The following FASTKD3 variants were observed in gnomAD, a reference collection of about 807,000 sequenced individuals.
The protein encoded by FASTKD3 is FAST kinase domains 3.
In FASTKD3, 47 loss-of-function variants were observed where a neutral mutation model predicts 49.7. The observed-to-expected ratio is 0.95, with a 90% confidence interval of 0.75 to 1.21. The LOEUF is 1.21. FASTKD3 is among the 50% of genes most tolerant of loss of function. The pLI, the probability that FASTKD3 is intolerant of heterozygous loss-of-function variation, is 0.00. For synonymous variants in FASTKD3, 284 were observed against 288.6 expected (o/e 0.98, Z 0.16); for missense variants, 748 against 765.7 (o/e 0.98, Z 0.27).
chr5:7,863,673 T>C (rs543058355), intron 3 of FASTKD3, among the ~76,000 whole-genome samples: 3 of 152,266 alleles, frequency 2.0e-5, no homozygotes, highest in African/African-American at 7.2e-5. Context: ...AGGATAGCAA[T>C]ATAATAAACG....
rs374820220 is a variant in FASTKD3 at position 7,866,637 on chromosome 5, C to T, written c.1438+9G>A. The T allele has an allele frequency of 4.5e-6, 7 of 1,555,450 alleles. No homozygotes were observed. The African/African-American group carries it at 8.3e-5, about 18-fold the overall frequency. On this transcript the variant is annotated intron_variant, in intron 2 of 6. Coordinates refer to ENST00000264669, the MANE Select transcript of FASTKD3 (RefSeq NM_024091.4). ...TTTTTCCAACTGTCAGAATTTATAA[C>T]CAACTCACCTTGCAGCCGTTGAAGG...
In FASTKD3 at chr5:7,859,296, A is replaced by G. The variant is rs1327435193; in HGVS notation, c.*139T>C. The G allele has an allele frequency of 2.1e-6, 1 of 481,846 alleles. No individual in the cohort carries two copies. The highest frequency in any genetic ancestry group is 3.3e-5 in the East Asian group (1 of 30,194). The allele number at this position is 481,846 out of a possible 1,614,324, so 29.8% of individuals were successfully genotyped here. On this transcript the variant is annotated 3_prime_UTR_variant, in exon 7 of 7. Transcript: ENST00000264669. The stretch of plus-strand genomic sequence containing the variant: ...ACCACAATAAATGTATACATAGTAT[A>G]AGGAAAACTACAGATGCTTTCAGAT...
chr5:7,861,567 C>T lies in FASTKD3; in HGVS notation c.1769+16G>A, dbSNP rs539800150. 18 of 1,540,598 alleles carry T rather than the reference C, an allele frequency of 1.2e-5. No homozygotes were observed. Among genetic ancestry groups the T allele is most frequent in the African/African-American group, 1.4e-5 (1 of 72,720 alleles). On this transcript the variant is annotated intron_variant, in intron 5 of 6. Transcript: ENST00000264669. Reference sequence around the variant, plus strand: ...AACGAGTCTTGTAATGTGAAAAACACAACATTTTCCTGTACCTTTTATGGA... The same window carrying T: ...AACGAGTCTTGTAATGTGAAAAACATAACATTTTCCTGTACCTTTTATGGA...
intron 1 of FASTKD3, among the ~76,000 whole-genome samples, chr5:7,868,417 C>T (rs1747222849): frequency 6.6e-6 from 1 of 152,150 alleles, no homozygotes; most frequent in Non-Finnish European, 1.5e-5. Context: ...TTACTTTGCC[C>T]AGTTTATGCA....
chr5:7,861,393 C>A, intron 5 of FASTKD3, 130 bp from the exon 6 acceptor site: 1 of 607,792 alleles, frequency 1.6e-6, no homozygotes, highest in Admixed American at 3.7e-5. Context: ...TCAAATGAAT[C>A]ATGAATTTGA....
At chr5:7,868,282 G>A in intron 1 of FASTKD3, 86 bp from the exon 2 acceptor site, 1 of 515,590 alleles carries the variant, frequency 1.9e-6, no homozygotes, top group Non-Finnish European at 3.4e-6. Context: ...AGTTAGAAGA[G>A]TGGCTGACAT....
chr5:7,861,847 C>G lies in FASTKD3; in HGVS notation c.1700-195G>C, dbSNP rs1310684008. The G allele has an allele frequency of 8.3e-6, 10 of 1,210,566 alleles. No homozygotes were observed. The African/African-American group carries it at 1.6e-4, about 19-fold the overall frequency. The allele number at this position is 1,210,566 out of a possible 1,614,324, so 75.0% of individuals were successfully genotyped here. A position where few individuals can be genotyped will look rare whatever the true frequency, so the allele number is the denominator to read the frequency against. ...TTGGCTTTATGATCAATCAAGTCAG[C>G]CTTAAATTAAGAAAGCTCAATAACG... On this transcript the variant is annotated intron_variant, in intron 4 of 6. Coordinates refer to ENST00000264669, the MANE Select transcript of FASTKD3 (RefSeq NM_024091.4).
At chr5:7,865,734 A>G (rs1746897871) in intron 3 of FASTKD3, among the ~76,000 whole-genome samples, 164 bp downstream of exon 3, 1 of 152,196 alleles carries the variant, frequency 6.6e-6, no homozygotes, top group South Asian at 2.1e-4. Context: ...ACAAGAACAC[A>G]AAAATGGGGT....
chr5:7,863,471 A>C (rs1746698390), intron 3 of FASTKD3, among the ~76,000 whole-genome samples: 1 of 152,212 alleles, frequency 6.6e-6, no homozygotes, highest in African/African-American at 2.4e-5. Context: ...TGCTTAAAGA[A>C]AATGCTCATG....
At chr5:7,864,437 A>G (rs912758886) in intron 3 of FASTKD3, among the ~76,000 whole-genome samples, 1 of 152,208 alleles carries the variant, frequency 6.6e-6, no homozygotes, top group Non-Finnish European at 1.5e-5. Context: ...AGATTCGACT[A>G]CAGAACATTT....
chr5:7,864,543 G>C (rs1300781402), intron 3 of FASTKD3, among the ~76,000 whole-genome samples: 1 of 152,120 alleles, frequency 6.6e-6, no homozygotes, highest in Non-Finnish European at 1.5e-5. Context: ...GTTTTACAAT[G>C]AGTCCTTAAA....
chr5:7,868,249 G>A (rs1470579541), intron 1 of FASTKD3, 53 bp from the exon 2 acceptor site: 5 of 563,272 alleles, frequency 8.9e-6, no homozygotes, highest in Admixed American at 3.6e-5. Context: ...AAACACCAGA[G>A]GGGCAAAGTC....
At chr5:7,861,999 G>A (rs1391681811) in intron 4 of FASTKD3, 1 of 173,832 alleles carries the variant, frequency 5.8e-6, no homozygotes, top group African/African-American at 2.4e-5. Flanking sequence ...CTTGAGTTAA[G>A]ACATTAGACA....
At chr5:7,862,273 G>A (rs925915400) in intron 4 of FASTKD3, among the ~76,000 whole-genome samples, 3 of 152,174 alleles carry the variant, frequency 2.0e-5, no homozygotes, top group Non-Finnish European at 2.9e-5. Flanking sequence ...TCTCTTGTCA[G>A]TGCTGTCCAG....
intron 1 of FASTKD3, among the ~76,000 whole-genome samples, chr5:7,868,430 T>G (rs326118): frequency 0.21 from 32,180 of 152,046 alleles, 4,643 homozygotes; most frequent in African/African-American, 0.39. Flanking sequence ...TTTATGCAGG[T>G]GGTTAAGTGG....
rs1472260487 is a variant in FASTKD3 at position 7,867,157 on chromosome 5, A to T, written c.927T>A (p.Ser309Arg). The T allele has an allele frequency of 6.2e-7, 1 of 1,614,196 alleles. No homozygotes were observed. The highest frequency in any genetic ancestry group is 1.1e-5 in the South Asian group (1 of 91,080). ...MLTALVVLDQ[S>R]QAFPLIIKLG... is the part of the protein sequence containing the mutation. ...ATTTTATAATCAGAGGAAATGCTTGACTTTGATCAAGAACCACCAGGGCAG... is the reference window on the plus strand; with the variant it reads ...ATTTTATAATCAGAGGAAATGCTTGTCTTTGATCAAGAACCACCAGGGCAG... Residue 309 changes from serine (S) to arginine (R), a missense_variant, in exon 2 of 7, where the codon AGT becomes AGA. Physicochemically the swap from Ser to Arg is moderately radical, Grantham distance 110. Coordinates refer to ENST00000264669, the MANE Select transcript of FASTKD3 (RefSeq NM_024091.4).
At position 7,867,198 on chromosome 5, in the gene FASTKD3, T is replaced by C; in HGVS notation, c.886A>G (p.Ile296Val). The C allele has an allele frequency of 6.2e-7, 1 of 1,614,162 alleles. No individual in the cohort carries two copies. Among genetic ancestry groups the C allele is most frequent in the South Asian group, 1.1e-5 (1 of 91,088 alleles). Residue 296 changes from isoleucine (I) to valine (V), a missense_variant, in exon 2 of 7, where the codon ATT (isoleucine) becomes GTT (valine). Coordinates refer to ENST00000264669, the MANE Select transcript of FASTKD3 (RefSeq NM_024091.4). ...ACCAGGGCAGTGAGCATTTGGCTAATCAATTTAGGACTCAGGTTGGAAACT... is the reference window on the plus strand; with the variant it reads ...ACCAGGGCAGTGAGCATTTGGCTAACCAATTTAGGACTCAGGTTGGAAACT... Reference protein sequence around the residue: ...SIVSNLSPKLISQMLTALVVL... With the variant: ...SIVSNLSPKLVSQMLTALVVL...
chr5:7,867,595 G>A lies in FASTKD3; in HGVS notation c.489C>T (p.Cys163=). The A allele has an allele frequency of 1.2e-6, 2 of 1,614,228 alleles. No individual in the cohort carries two copies. Among genetic ancestry groups the A allele is most frequent in the Non-Finnish European group, 1.7e-6 (2 of 1,180,044 alleles). The part of the protein sequence containing the change: ...ILENSIFQAL[C]FQFEKEPSQL... The stretch of plus-strand genomic sequence containing the variant: ...GTGAGGGCTCCTTTTCAAACTGAAA[G>A]CATAAAGCTTGAAAGATGCTATTCT... Residue 163 remains cysteine, a synonymous_variant, in exon 2 of 7, where the codon TGC becomes TGT. Coordinates refer to ENST00000264669, the MANE Select transcript of FASTKD3 (RefSeq NM_024091.4).
Position 7,867,681 on chromosome 5 carries a change from G to A in FASTKD3, c.403C>T (p.Gln135Ter). ...TTTTTTTCCACTTCACAAATTCGTTGTAAAGCTCCTGCTGCCATAGTGTCA... is the reference window on the plus strand; with the variant it reads ...TTTTTTTCCACTTCACAAATTCGTTATAAAGCTCCTGCTGCCATAGTGTCA... The part of the protein sequence containing the change: ...LPDTMAAGAL[Q>*]RICEVEKKDG... Residue 135 changes from glutamine (Q) to a stop codon, truncating the protein, a stop_gained, in exon 2 of 7, where the codon CAA (glutamine) becomes TAA (stop). Coordinates refer to ENST00000264669, the MANE Select transcript of FASTKD3 (RefSeq NM_024091.4). LOFTEE classifies it high-confidence loss of function. 3 of 1,614,154 alleles carry A rather than the reference G, an allele frequency of 1.9e-6. No homozygotes were observed. The highest frequency in any genetic ancestry group is 2.5e-6 in the Non-Finnish European group (3 of 1,180,040).
Sources: gnomAD v4.1 joint callset for allele counts (sites outside exome capture counted in the v4.1 genomes callset) on GRCh38, gnomAD v4.1.1 for gene constraint, MANE v1.5 for transcripts, NCBI Gene and HGNC (gene_info 2026-07-23, HGNC 2026-07-21) for gene names.